The following RNF115 variants were observed in gnomAD, a reference collection of about 807,000 sequenced individuals.
RNF115 encodes the protein ring finger protein 115.
Under a neutral mutation model 39.2 loss-of-function variants are expected in RNF115, and 31 were observed. That is an observed-to-expected ratio of 0.79 (90% CI 0.59 to 1.07). The LOEUF is 1.07. Ranked by LOEUF, RNF115 falls within the 50% of genes least tolerant of loss-of-function variation. The pLI is 0.00. For synonymous variants in RNF115, 124 were observed against 131.0 expected, an observed-to-expected ratio of 0.95 and a Z score of 0.37; for missense variants, 384 against 381.7, an observed-to-expected ratio of 1.01 and a Z score of -0.05.
Position 145,786,622 on chromosome 1 carries a change from C to T in RNF115, c.162-2026G>A, listed in dbSNP as rs1648391165. 2.0e-5 allele frequency among the ~76,000 whole-genome samples: 3 copies of T among 152,192 alleles called. No homozygotes were observed. The South Asian group carries it at 6.2e-4, about 31-fold the overall frequency. On this transcript the variant is annotated intron_variant, in intron 2 of 8. Transcript: ENST00000582693. ...TACAGTTAATCATTCTCATTTATAA[C>T]TGTATTTGCATAAAAGTACTATCTG...
At chr1:145,765,994 C>T (rs1474062815) in intron 4 of RNF115, among the ~76,000 whole-genome samples, 3 of 151,528 alleles carry the variant, frequency 2.0e-5, no homozygotes, top group African/African-American at 7.3e-5. Context: ...ATACAAAGTA[C>T]TCTTTTTCTT....
At chr1:145,793,702 CCTCT>C (rs1648793034) in intron 1 of RNF115, among the ~76,000 whole-genome samples, 6 of 152,144 alleles carry the variant, frequency 3.9e-5, no homozygotes, top group African/African-American at 2.4e-5. Flanking sequence ...ATTCATAACG[CCTCT>C]CTTTCACCTC....
chr1:145,780,569 G>A (rs1351684273), intron 3 of RNF115, among the ~76,000 whole-genome samples: 3 of 145,110 alleles, frequency 2.1e-5, no homozygotes, highest in South Asian at 2.2e-4. Context: ...GCAGTGAGCC[G>A]AGATTGCGCC....
intron 4 of RNF115, among the ~76,000 whole-genome samples, chr1:145,764,494 G>A (rs9729480): frequency 1.8e-4 from 27 of 150,812 alleles, no homozygotes; most frequent in Admixed American, 1.8e-3. Context: ...CCGCGACCCC[G>A]TCTGGGAGGT....
At chr1:145,819,775 C>T (rs1368330950) in intron 1 of RNF115, among the ~76,000 whole-genome samples, 31 of 152,328 alleles carry the variant, frequency 2.0e-4, no homozygotes, top group African/African-American at 7.5e-4. Flanking sequence ...TGGTGGCTCA[C>T]ACCTGTAATC....
chr1:145,796,277 C>G (rs1308496265), intron 1 of RNF115, among the ~76,000 whole-genome samples: 1 of 152,142 alleles, frequency 6.6e-6, no homozygotes, highest in Non-Finnish European at 1.5e-5. Context: ...TTGCTTCCAA[C>G]TAATCAAGAG....
At chr1:145,805,566 C>T (rs1649425918) in intron 1 of RNF115, among the ~76,000 whole-genome samples, 1 of 152,052 alleles carries the variant, frequency 6.6e-6, no homozygotes, top group African/African-American at 2.4e-5. Context: ...TCCATCCTAA[C>T]ATTTTCAAGA....
chr1:145,814,635 T>A (rs1649898749), intron 1 of RNF115, among the ~76,000 whole-genome samples: 1 of 151,300 alleles, frequency 6.6e-6, no homozygotes. Context: ...TGTTAGCACA[T>A]CTAGTTGGTA....
intron 3 of RNF115, among the ~76,000 whole-genome samples, chr1:145,774,880 G>A (rs1011077592): frequency 2.1e-4 from 32 of 151,676 alleles, no homozygotes; most frequent in African/African-American, 4.4e-4. Flanking sequence ...TAACAGAAAC[G>A]CAACTGATTT....
intron 1 of RNF115, among the ~76,000 whole-genome samples, chr1:145,799,861 T>C (rs1008345065): frequency 2.0e-5 from 3 of 152,150 alleles, no homozygotes; most frequent in South Asian, 2.1e-4. Flanking sequence ...CCCAGAGTGC[T>C]GGAATTACAG....
intron 3 of RNF115, among the ~76,000 whole-genome samples, chr1:145,780,391 C>T (rs1219036550): frequency 2.0e-5 from 3 of 151,922 alleles, no homozygotes; most frequent in South Asian, 2.1e-4. Flanking sequence ...GAGACCAAGG[C>T]GGGCAGATCA....
intron 4 of RNF115, among the ~76,000 whole-genome samples, chr1:145,757,785 C>G (rs1658355316): frequency 6.8e-6 from 1 of 148,050 alleles, no homozygotes; most frequent in Admixed American, 6.9e-5. Flanking sequence ...CACTGCCTGT[C>G]CATATCACTG....
chr1:145,773,813 GTTT>G (rs1159346520), intron 3 of RNF115: 1 of 149,322 alleles, frequency 6.7e-6, no homozygotes, highest in African/African-American at 2.5e-5. Flanking sequence ...TCTTTTTTTG[GTTT>G]TTTTGTTTGT....
chr1:145,750,901 T>C (rs1658061872), intron 6 of RNF115, among the ~76,000 whole-genome samples: 2 of 152,088 alleles, frequency 1.3e-5, no homozygotes, highest in South Asian at 2.1e-4. Context: ...AGCCAAGAAA[T>C]AGGTAAATTA....
At position 145,789,412 on chromosome 1, in the gene RNF115, C is replaced by CT. The variant is rs199800964; in HGVS notation, c.103-447dup. ...CACTGAGCCCAGCCTAGTTTTTTTT[C>CT]TTTTTTTTTTGTTTTTCTTTTTGTT... is the stretch of plus-strand genomic sequence containing the variant. On this transcript the variant is annotated intron_variant, in intron 1 of 8. Transcript: ENST00000582693. Among the ~76,000 whole-genome samples the CT allele has an allele frequency of 7.1e-3, 1,004 of 140,432 alleles. 12 individuals carry two copies. Among genetic ancestry groups the CT allele is most frequent in the Admixed American group, 0.015 (207 of 14,062 alleles). 92.1% of individuals were successfully genotyped at this position (140,432 alleles called of 152,430 possible).
intron 4 of RNF115, among the ~76,000 whole-genome samples, chr1:145,760,763 T>C (rs1658472352): frequency 6.6e-6 from 1 of 152,162 alleles, no homozygotes; most frequent in African/African-American, 2.4e-5. Context: ...GGGGCATTGC[T>C]GAAGAGATAC....
chr1:145,788,947 C>G lies in RNF115; in HGVS notation c.122G>C (p.Cys41Ser), dbSNP rs1648513551. 6.3e-7 allele frequency: 1 copy of G among 1,596,818 alleles called. No individual in the cohort carries two copies. The highest frequency in any genetic ancestry group is 1.3e-5 in the African/African-American group (1 of 74,666). The change falls in exon 2 of 9, where the codon TGT (cysteine) becomes TCT (serine). Residue 41 changes from cysteine (C) to serine (S), a missense_variant. Cys to Ser is a moderately radical substitution (Grantham distance 112). Coordinates refer to ENST00000582693, the MANE Select transcript of RNF115 (RefSeq NM_014455.4). ...PKLPEYICPR[C>S]ESGFIEEVTD... ...CACTTCTTCAATAAAGCCTGATTCA[C>G]ATCTGGGACATATATATTCCTATAA... is the stretch of plus-strand genomic sequence containing the variant.
intron 4 of RNF115, among the ~76,000 whole-genome samples, chr1:145,756,778 G>A (rs1427099272): frequency 6.9e-6 from 1 of 144,664 alleles, no homozygotes; most frequent in Non-Finnish European, 1.5e-5. Flanking sequence ...CTCTGCCTCT[G>A]TCATCACATG....
intron 4 of RNF115, among the ~76,000 whole-genome samples, chr1:145,756,240 C>T (rs1175799078): frequency 1.3e-5 from 2 of 152,104 alleles, no homozygotes; most frequent in African/African-American, 4.8e-5. Context: ...GCAGGAGGAT[C>T]ACTTGAGGCC....
Sources: gnomAD v4.1 joint callset for allele counts (sites outside exome capture counted in the v4.1 genomes callset) on GRCh38, gnomAD v4.1.1 for gene constraint, MANE v1.5 for transcripts, NCBI Gene and HGNC (gene_info 2026-07-23, HGNC 2026-07-21) for gene names.